CNGB1: variants seen among roughly 807,000 people sequenced by gnomAD.
CNGB1 encodes cyclic nucleotide gated channel subunit beta 1.
A neutral mutation model predicts 151.7 loss-of-function variants in CNGB1; 126 were observed. The ratio of observed to expected loss-of-function variants is 0.83; its 90% CI spans 0.72 to 0.96. The LOEUF (loss-of-function observed/expected upper bound fraction) is 0.96. Ranked by LOEUF, CNGB1 falls within the 40% of genes least tolerant of loss-of-function variation. The pLI is 0.00. For missense variants in CNGB1, 1,698 were observed against 1,627.0 expected, an observed-to-expected ratio of 1.04 and a Z score of -0.75; for synonymous variants, 623 against 635.1, an observed-to-expected ratio of 0.98 and a Z score of 0.29.
At chr16:57,936,132 T>C (rs1329146478) in intron 16 of CNGB1, among the ~76,000 whole-genome samples, 2 of 152,182 alleles carry the variant, frequency 1.3e-5, no homozygotes, top group African/African-American at 4.8e-5. Context: ...CTCTTTGTCA[T>C]CAGGGAGTGA....
chr16:57,922,596 T>A (rs1961070907), intron 18 of CNGB1, among the ~76,000 whole-genome samples: 1 of 151,426 alleles, frequency 6.6e-6, no homozygotes, highest in Admixed American at 6.6e-5. Flanking sequence ...GCCCGGCTAA[T>A]TTTTGTATTT....
chr16:57,934,594 C>G (rs1961453209), intron 16 of CNGB1, among the ~76,000 whole-genome samples: 1 of 152,102 alleles, frequency 6.6e-6, no homozygotes, highest in African/African-American at 2.4e-5. Context: ...TGTGGGGCTC[C>G]CAGAGACTGG....
intron 12 of CNGB1, among the ~76,000 whole-genome samples, chr16:57,952,207 T>C (rs1312283002): frequency 6.6e-6 from 1 of 152,192 alleles, no homozygotes; most frequent in Non-Finnish European, 1.5e-5. Context: ...GAACAGTACT[T>C]TCCCCCTTTT....
At position 57,939,416 on chromosome 16, in the gene CNGB1, A is replaced by G; in HGVS notation, c.1372+14T>C. 6.2e-7 allele frequency: 1 copy of G among 1,613,976 alleles called. No homozygotes were observed. ...CATTCTTGCGCAACCCATCACCACC[A>G]CCACCACACCTACCTCCTGAACTGG... is the stretch of plus-strand genomic sequence containing the variant. On this transcript the variant is annotated intron_variant, in intron 16 of 32. Coordinates refer to ENST00000251102, the MANE Select transcript of CNGB1 (RefSeq NM_001297.5).
In CNGB1 at chr16:57,923,021, G is replaced by A. The variant is rs190065413; in HGVS notation, c.1643+252C>T. 77 of 395,036 alleles carry A rather than the reference G, an allele frequency of 1.9e-4. 1 individual carries two copies. In the Middle Eastern group the frequency reaches 2.5e-3, roughly 13 times the overall value. 24.5% of individuals were successfully genotyped at this position (395,036 alleles called of 1,614,324 possible). A position where few individuals can be genotyped will look rare whatever the true frequency, so the allele number is the denominator to read the frequency against. The stretch of plus-strand genomic sequence containing the variant: ...CTTCACAAGGGGACCTCTGCCTAGA[G>A]ATCCCTCCCTCTCTGAGCACTGCTG... On this transcript the variant is annotated intron_variant, in intron 18 of 32. Coordinates refer to ENST00000251102, the MANE Select transcript of CNGB1 (RefSeq NM_001297.5).
At position 57,884,321 on chromosome 16, in the gene CNGB1, G is replaced by T; in HGVS notation, c.3599C>A (p.Pro1200Gln). Residue 1200 changes from proline to glutamine, a missense_variant, in exon 33 of 33, where the codon CCA (proline) becomes CAA (glutamine). By Grantham distance (76) the Pro-to-Gln change is moderately conservative. Coordinates refer to ENST00000251102, the MANE Select transcript of CNGB1 (RefSeq NM_001297.5). ...PEPPGSPPSS[P>Q]PPASLGRPEG... is the part of the protein sequence containing the mutation. ...CGGCCTCCCAAGGGAGGCAGGCGGTGGAGAGCTCGGTGGAGACCCCGGGGG... is the reference window on the plus strand; with the variant it reads ...CGGCCTCCCAAGGGAGGCAGGCGGTTGAGAGCTCGGTGGAGACCCCGGGGG... The T allele has an allele frequency of 6.2e-7, 1 of 1,611,930 alleles. No individual in the cohort carries two copies.
intron 16 of CNGB1, among the ~76,000 whole-genome samples, chr16:57,935,045 CA>C (rs559447701): frequency 5.1e-3 from 577 of 113,432 alleles, no homozygotes; most frequent in Non-Finnish European, 5.2e-3. Flanking sequence ...GACTCCATCT[CA>C]AAAAAAAAAA....
intron 30 of CNGB1, 117 bp from the exon 31 acceptor site, chr16:57,897,660 C>A: frequency 6.4e-7 from 1 of 1,558,168 alleles, no homozygotes; most frequent in South Asian, 1.1e-5. Flanking sequence ...AGAACCTTCC[C>A]CCGCCCCCAT....
intron 2 of CNGB1, among the ~76,000 whole-genome samples, chr16:57,966,330 A>G (rs1962399060): frequency 1.3e-5 from 2 of 152,282 alleles, no homozygotes; most frequent in South Asian, 4.1e-4. Context: ...ATTCATCTTT[A>G]TGCTTTCAGC....
intron 14 of CNGB1, among the ~76,000 whole-genome samples, chr16:57,943,867 C>T (rs1317342022): frequency 6.6e-6 from 1 of 151,982 alleles, no homozygotes; most frequent in Non-Finnish European, 1.5e-5. Flanking sequence ...GAAGAGGTGT[C>T]TGCACTCCCA....
At chr16:57,937,035 C>G (rs1483958305) in intron 16 of CNGB1, 4 of 152,412 alleles carry the variant, frequency 2.6e-5, no homozygotes, top group African/African-American at 4.8e-5. Flanking sequence ...ACAGCCCCAG[C>G]CATGCAGAAG....
chr16:57,908,508 GCTGA>G (rs1260007096), intron 25 of CNGB1, among the ~76,000 whole-genome samples: 2 of 152,370 alleles, frequency 1.3e-5, no homozygotes, highest in Admixed American at 6.5e-5. Flanking sequence ...CCTCACTATG[GCTGA>G]CTGAGCGCCC....
In CNGB1 at chr16:57,958,403, C is replaced by T. The variant is rs1429408014; in HGVS notation, c.837+7G>A. 4 of 1,613,738 alleles carry T rather than the reference C, an allele frequency of 2.5e-6. No individual in the cohort carries two copies. The highest frequency in any genetic ancestry group is 2.7e-5 in the African/African-American group (2 of 74,936). On this transcript the variant is annotated splice_region_variant and intron_variant, in intron 11 of 32. Coordinates refer to ENST00000251102, the MANE Select transcript of CNGB1 (RefSeq NM_001297.5). The stretch of plus-strand genomic sequence containing the variant: ...CAGGGCCACCACTCCATGAGCCCAG[C>T]ACTGACCTGTTCCCCTATTTTCCCA...
intron 32 of CNGB1, among the ~76,000 whole-genome samples, chr16:57,885,430 GTTTTGGT>G (rs1959888683): frequency 2.0e-5 from 3 of 151,994 alleles, no homozygotes; most frequent in African/African-American, 7.2e-5. Context: ...GTTTCCCTAT[GTTTTGGT>G]GCCCCTGTCC....
At chr16:57,938,624 G>GA (rs1158073307) in intron 16 of CNGB1, among the ~76,000 whole-genome samples, 1 of 151,928 alleles carries the variant, frequency 6.6e-6, no homozygotes, top group African/African-American at 2.4e-5. Flanking sequence ...AGCCAGGAGT[G>GA]AAATGCAGGT....
At chr16:57,917,092 G>GT (rs1396785781) in intron 21 of CNGB1, among the ~76,000 whole-genome samples, 176 bp downstream of exon 21, 15 of 152,196 alleles carry the variant, frequency 9.9e-5, no homozygotes, top group Non-Finnish European at 2.1e-4. Context: ...TAATTTGAAC[G>GT]TATCAAAGGC....
intron 31 of CNGB1, among the ~76,000 whole-genome samples, chr16:57,896,583 T>A (rs1417418407): frequency 6.6e-6 from 1 of 151,880 alleles, no homozygotes; most frequent in African/African-American, 2.4e-5. Context: ...CGTGGTGGTG[T>A]GCACCTGTAA....
intron 4 of CNGB1, among the ~76,000 whole-genome samples, chr16:57,963,346 C>CTGA (rs1218100090): frequency 2.0e-5 from 3 of 152,198 alleles, no homozygotes; most frequent in African/African-American, 7.2e-5. Context: ...ATAGGGGATG[C>CTGA]TGATGCTTCA....
chr16:57,937,530 G>A (rs1160748210), intron 16 of CNGB1, among the ~76,000 whole-genome samples: 2 of 152,092 alleles, frequency 1.3e-5, no homozygotes, highest in African/African-American at 2.4e-5. Context: ...CATGTGGCTG[G>A]CCCACCCAGG....
Sources: allele counts gnomAD v4.1 joint callset (sites outside exome capture counted in the v4.1 genomes callset), GRCh38; gene constraint gnomAD v4.1.1; transcripts MANE v1.5; gene names NCBI Gene and HGNC (gene_info 2026-07-23, HGNC 2026-07-21).